The following MIER1 variants were observed in gnomAD, a reference collection of about 807,000 sequenced individuals.
The protein encoded by MIER1 is MIER1 transcriptional regulator.
MIER1 carries 40 observed loss-of-function variants against 75.7 expected under a neutral mutation model. The ratio of observed to expected loss-of-function variants is 0.53; its 90% CI spans 0.41 to 0.69. The LOEUF is 0.69. Ranked by LOEUF, MIER1 falls within the 30% of genes least tolerant of loss-of-function variation. The pLI is 0.00. For synonymous variants in MIER1, 213 were observed against 223.4 expected (o/e 0.95, Z 0.42); for missense variants, 574 against 680.2 (o/e 0.84, Z 1.74).
intron 2 of MIER1, among the ~76,000 whole-genome samples, chr1:66,937,653 A>T (rs1655237620): frequency 6.6e-6 from 1 of 152,218 alleles, no homozygotes; most frequent in Non-Finnish European, 1.5e-5. Flanking sequence ...ATTTTATTTC[A>T]TATCTAAATA....
At chr1:66,925,807 C>A (rs1651580158) in intron 1 of MIER1, among the ~76,000 whole-genome samples, 1 of 152,164 alleles carries the variant, frequency 6.6e-6, no homozygotes, top group African/African-American at 2.4e-5. Context: ...AAAGCTTCCT[C>A]CAACGCTAGA....
chr1:66,946,235 A>G lies in MIER1; in HGVS notation c.279A>G (p.Glu93=), dbSNP rs936568360. Reference sequence around the variant, plus strand: ...ATTTTGATGATGAACGAACATTAGAAGAGGAAGAAATGATGGAAGGAGAAA... The same window carrying G: ...ATTTTGATGATGAACGAACATTAGAGGAGGAAGAAATGATGGAAGGAGAAA... ...VHDFDDERTL[E]EEEMMEGETN... The change falls in exon 4 of 14, where the codon GAA becomes GAG. Residue 93 remains glutamate, a synonymous_variant. Transcript: ENST00000401041. 1.2e-6 allele frequency: 2 copies of G among 1,611,052 alleles called. No homozygotes were observed. Among genetic ancestry groups the G allele is most frequent in the Non-Finnish European group, 1.7e-6 (2 of 1,179,442 alleles).
chr1:66,966,277 C>A (rs548921681), intron 8 of MIER1, among the ~76,000 whole-genome samples: 1 of 152,238 alleles, frequency 6.6e-6, no homozygotes, highest in Admixed American at 6.5e-5. Flanking sequence ...TGAGTGAGAA[C>A]ATGCAGTGTT....
At chr1:66,956,900 G>A (rs1660242341) in intron 4 of MIER1, among the ~76,000 whole-genome samples, 1 of 152,182 alleles carries the variant, frequency 6.6e-6, no homozygotes, top group African/African-American at 2.4e-5. Flanking sequence ...CAGGTTAATT[G>A]TATCATCTAA....
chr1:66,962,551 C>T (rs1661468519), intron 7 of MIER1, among the ~76,000 whole-genome samples: 1 of 152,072 alleles, frequency 6.6e-6, no homozygotes. Context: ...TGTGTGGTGG[C>T]ATGTGCCTGT....
At chr1:66,974,712 A>T (rs972617019) in intron 11 of MIER1, among the ~76,000 whole-genome samples, 1 of 152,156 alleles carries the variant, frequency 6.6e-6, no homozygotes, top group African/African-American at 2.4e-5. Context: ...AAGTCAGCTG[A>T]CCTCTACATA....
intron 11 of MIER1, among the ~76,000 whole-genome samples, chr1:66,975,672 T>G (rs1007391774): frequency 2.6e-5 from 4 of 152,210 alleles, no homozygotes; most frequent in Non-Finnish European, 4.4e-5. Context: ...TCAGCATCAT[T>G]TAATTCCGTA....
chr1:66,926,281 T>C lies in MIER1; in HGVS notation c.168+39T>C, dbSNP rs370311228. The C allele has an allele frequency of 7.7e-6, 11 of 1,426,426 alleles. No homozygotes were observed. The African/African-American group carries it at 1.3e-4, about 16-fold the overall frequency. The allele number at this position is 1,426,426 out of a possible 1,614,324, so 88.4% of individuals were successfully genotyped here. A position where few individuals can be genotyped will look rare whatever the true frequency, so the allele number is the denominator to read the frequency against. ...CACTTGGAGATTAAGGGAGGGAAAA[T>C]CCAAACTCCCTCAAGTAATATAAGA... On this transcript the variant is annotated intron_variant, in intron 2 of 13. Transcript: ENST00000401041.
At chr1:66,976,844 C>T (rs1471727142) in intron 12 of MIER1, 122 bp downstream of exon 12, 11 of 770,376 alleles carry the variant, frequency 1.4e-5, no homozygotes, top group South Asian at 1.2e-4. Flanking sequence ...ACCAGAAGGC[C>T]GAGAGTGATA....
chr1:66,950,838 A>G (rs1367685925), intron 4 of MIER1, among the ~76,000 whole-genome samples: 1 of 151,914 alleles, frequency 6.6e-6, no homozygotes, highest in Admixed American at 6.5e-5. Flanking sequence ...CTTAGGAACC[A>G]TCTCTCTAGT....
chr1:66,928,451 A>C (rs927166602), intron 2 of MIER1, among the ~76,000 whole-genome samples: 35 of 152,160 alleles, frequency 2.3e-4, no homozygotes, highest in African/African-American at 7.7e-4. Flanking sequence ...TTGGTAGCCA[A>C]ATTTCATAAA....
intron 8 of MIER1, among the ~76,000 whole-genome samples, chr1:66,966,239 A>G (rs538922602): frequency 1.3e-5 from 2 of 151,930 alleles, no homozygotes; most frequent in African/African-American, 2.4e-5. Flanking sequence ...CCTGTGTCCA[A>G]GTGTTCTCAT....
In MIER1 at chr1:66,978,721, A is replaced by G. The variant is rs548278304; in HGVS notation, c.1229+1999A>G. Among the ~76,000 whole-genome samples the G allele has an allele frequency of 4.8e-4, 73 of 152,308 alleles. 1 individual carries two copies. The highest frequency in any genetic ancestry group is 4.6e-3 in the South Asian group (22 of 4,828). On this transcript the variant is annotated intron_variant, in intron 12 of 13. Transcript: ENST00000401041. Reference sequence around the variant, plus strand: ...GTCTGTAATCATCAGCAGTAACAACATAAGAATGGCCATGCTGGGTCAGAC... The same window carrying G: ...GTCTGTAATCATCAGCAGTAACAACGTAAGAATGGCCATGCTGGGTCAGAC...
At chr1:66,965,662 A>C (rs1368055526) in intron 8 of MIER1, among the ~76,000 whole-genome samples, 2 of 152,202 alleles carry the variant, frequency 1.3e-5, no homozygotes, top group Non-Finnish European at 2.9e-5. Flanking sequence ...TTGTGTTACA[A>C]ACAATCCATT....
rs574160482 is a variant in MIER1, at chr1:66,988,305, C to G, written c.*3405C>G. 1 of 152,272 alleles carries G rather than the reference C, an allele frequency of 6.6e-6. No homozygotes were observed. Among genetic ancestry groups the G allele is most frequent in the Non-Finnish European group, 1.5e-5 (1 of 68,004 alleles). 9.4% of individuals were successfully genotyped at this position (152,272 alleles called of 1,614,324 possible). A position where few individuals can be genotyped will look rare whatever the true frequency, so the allele number is the denominator to read the frequency against. On this transcript the variant is annotated 3_prime_UTR_variant, in exon 14 of 14. Coordinates refer to ENST00000401041, the MANE Select transcript of MIER1 (RefSeq NM_001077700.3). ...TCTGTATCACATAATTCTACTGATA[C>G]AACTTTTTACCGTAAAAATTAACTC...
intron 13 of MIER1, among the ~76,000 whole-genome samples, chr1:66,983,858 G>C (rs1001582676): frequency 6.6e-6 from 1 of 152,146 alleles, no homozygotes; most frequent in Non-Finnish European, 1.5e-5. Flanking sequence ...CTTCCGAGTA[G>C]CTGGGAGACG....
chr1:66,953,174 A>G (rs925160951), intron 4 of MIER1, among the ~76,000 whole-genome samples: 8 of 152,236 alleles, frequency 5.3e-5, no homozygotes, highest in Admixed American at 1.3e-4. Flanking sequence ...TTCAAGAAAA[A>G]TAAGTGCTTG....
In MIER1 at chr1:66,967,402, G is replaced by T. The variant is rs150047309; in HGVS notation, c.773-3406G>T. Among the ~76,000 whole-genome samples the T allele has an allele frequency of 5.7e-4, 87 of 152,254 alleles. 2 individuals are homozygous for T. In the East Asian group the frequency reaches 0.015, roughly 26 times the overall value. On this transcript the variant is annotated intron_variant, in intron 8 of 13. Transcript: ENST00000401041. ...ATGCTGTTTTAGTTACTGTAGCTCT[G>T]TAGTATAATTTGAAGTTAGGTAATG...
chr1:66,929,680 AGTGT>A (rs1175313105), intron 2 of MIER1, among the ~76,000 whole-genome samples: 1 of 152,230 alleles, frequency 6.6e-6, no homozygotes, highest in Non-Finnish European at 1.5e-5. Flanking sequence ...GCATGACAGA[AGTGT>A]GTGAGAAAAC....
Sources: allele counts gnomAD v4.1 joint callset (sites outside exome capture counted in the v4.1 genomes callset), GRCh38; gene constraint gnomAD v4.1.1; transcripts MANE v1.5; gene names NCBI Gene and HGNC (gene_info 2026-07-23, HGNC 2026-07-21).